KSR1: variants seen among roughly 807,000 people sequenced by gnomAD.
KSR1 encodes the protein kinase suppressor of ras.
Under a neutral mutation model 92.9 loss-of-function variants are expected in KSR1, and 35 were observed. The observed-to-expected ratio is 0.38, with a 90% CI of 0.29 to 0.50. KSR1 has a LOEUF of 0.50. Ranked by LOEUF, KSR1 falls within the 20% of genes least tolerant of loss-of-function variation. The pLI is 0.94. For synonymous variants in KSR1, 467 were observed against 472.6 expected, an observed-to-expected ratio of 0.99 and a Z score of 0.15; for missense variants, 972 against 1,158.5, an observed-to-expected ratio of 0.84 and a Z score of 2.34.
intron 20 of KSR1, among the ~76,000 whole-genome samples, 163 bp downstream of exon 20, chr17:27,621,436 T>C (rs1370565306): frequency 6.6e-6 from 1 of 152,068 alleles, no homozygotes; most frequent in African/African-American, 2.4e-5. Context: ...CCAGCAAGGG[T>C]CACACAGGCT....
At chr17:27,493,242 A>G (rs1006749779) in intron 1 of KSR1, among the ~76,000 whole-genome samples, 5 of 152,226 alleles carry the variant, frequency 3.3e-5, no homozygotes, top group Non-Finnish European at 7.3e-5. Context: ...AAGTTGAATG[A>G]TGTTCCCAAG....
At chr17:27,511,982 G>C (rs2069618066) in intron 1 of KSR1, among the ~76,000 whole-genome samples, 1 of 152,204 alleles carries the variant, frequency 6.6e-6, no homozygotes, top group African/African-American at 2.4e-5. Flanking sequence ...GAGCCCAAGT[G>C]GCTTTGTGCA....
chr17:27,567,393 C>T (rs372315606), intron 2 of KSR1, among the ~76,000 whole-genome samples: 78 of 152,238 alleles, frequency 5.1e-4, no homozygotes, highest in African/African-American at 1.7e-3. Flanking sequence ...GAGTTTGAGA[C>T]CAGCCAGACT....
chr17:27,521,294 C>T (rs2070019787), intron 1 of KSR1, among the ~76,000 whole-genome samples: 1 of 150,624 alleles, frequency 6.6e-6, no homozygotes, highest in Non-Finnish European at 1.5e-5. Context: ...TTCCACCCTT[C>T]AGTTTACCCA....
chr17:27,610,280 G>C (rs2073878444), intron 17 of KSR1, 82 bp downstream of exon 17: 1 of 1,574,474 alleles, frequency 6.4e-7, no homozygotes, highest in South Asian at 1.1e-5. Flanking sequence ...AGGGAGGCAT[G>C]CTTTTAGGTG....
intron 1 of KSR1, among the ~76,000 whole-genome samples, chr17:27,540,512 G>A (rs1466133529): frequency 6.6e-6 from 1 of 152,236 alleles, no homozygotes; most frequent in Non-Finnish European, 1.5e-5. Flanking sequence ...TTGCTAGTGG[G>A]AGGCTTGGCG....
chr17:27,572,399 G>A (rs1304194272), intron 2 of KSR1, among the ~76,000 whole-genome samples: 1 of 152,200 alleles, frequency 6.6e-6, no homozygotes, highest in Non-Finnish European at 1.5e-5. Flanking sequence ...CATGTCTTCC[G>A]TTTTTGGTTT....
At chr17:27,538,649 A>G (rs1567805326) in intron 1 of KSR1, among the ~76,000 whole-genome samples, 1 of 152,240 alleles carries the variant, frequency 6.6e-6, no homozygotes, top group South Asian at 2.1e-4. Flanking sequence ...AGACCAGTTC[A>G]TCACTGGGCA....
In KSR1 at chr17:27,626,351, T is replaced by G. The variant is rs967861945; in HGVS notation, c.*2959T>G. On this transcript the variant is annotated 3_prime_UTR_variant, in exon 21 of 21. Coordinates refer to ENST00000644974, the MANE Select transcript of KSR1 (RefSeq NM_001394583.1). ...GTATTAACAAACATGCTGTATCGGG[T>G]TTTTTTGCCACTGGCAAGAACATGC... 2 of 148,546 alleles carry G rather than the reference T, an allele frequency of 1.3e-5. No homozygotes were observed. Among genetic ancestry groups the G allele is most frequent in the East Asian group, 1.9e-4 (1 of 5,206 alleles). 9.2% of individuals were successfully genotyped at this position (148,546 alleles called of 1,614,324 possible).
At chr17:27,574,879 A>C (rs992174519) in intron 2 of KSR1, among the ~76,000 whole-genome samples, 2 of 152,352 alleles carry the variant, frequency 1.3e-5, no homozygotes, top group Non-Finnish European at 2.9e-5. Context: ...AAAGACAAAA[A>C]AAGGTCTGAT....
chr17:27,479,426 C>T (rs952223459), intron 1 of KSR1, among the ~76,000 whole-genome samples: 17 of 152,216 alleles, frequency 1.1e-4, no homozygotes, highest in African/African-American at 4.1e-4. Context: ...GGTTCCCGTT[C>T]TCGCTGCAGC....
intron 2 of KSR1, among the ~76,000 whole-genome samples, chr17:27,573,013 G>A (rs1356195820): frequency 2.0e-5 from 3 of 152,148 alleles, no homozygotes; most frequent in Non-Finnish European, 1.5e-5. Flanking sequence ...AGAAAGCCTG[G>A]TCCCCTGGAG....
chr17:27,524,880 A>G (rs1172697894), intron 1 of KSR1, among the ~76,000 whole-genome samples: 2 of 152,174 alleles, frequency 1.3e-5, no homozygotes, highest in Non-Finnish European at 2.9e-5. Context: ...GTGGAGTTCA[A>G]GCAGGGTTAT....
intron 1 of KSR1, chr17:27,526,294 T>C: frequency 1.2e-6 from 1 of 862,298 alleles, no homozygotes; most frequent in Non-Finnish European, 1.8e-6. Context: ...ATTTTCCTAG[T>C]TGTCGCTCTG....
intron 1 of KSR1, among the ~76,000 whole-genome samples, chr17:27,527,901 T>G (rs1362713114): frequency 1.3e-5 from 2 of 152,206 alleles, no homozygotes; most frequent in Non-Finnish European, 2.9e-5. Flanking sequence ...AGTAATTCTT[T>G]GCTCTCCCCA....
At chr17:27,562,796 G>C (rs147268429) in intron 2 of KSR1, among the ~76,000 whole-genome samples, 2 of 152,314 alleles carry the variant, frequency 1.3e-5, no homozygotes, top group African/African-American at 4.8e-5. Flanking sequence ...TGTACCTTTG[G>C]GGGAGGCCAC....
intron 2 of KSR1, chr17:27,566,412 T>A: frequency 2.5e-6 from 1 of 399,294 alleles, no homozygotes. Flanking sequence ...GACACTGCAC[T>A]GGGGGCCAGG....
intron 10 of KSR1, among the ~76,000 whole-genome samples, chr17:27,600,832 C>T (rs937422189): frequency 3.9e-5 from 6 of 152,152 alleles, no homozygotes; most frequent in African/African-American, 1.4e-4. Context: ...CCCTAAGGTC[C>T]CAGAGCCTAG....
At chr17:27,621,133 A>G (rs2074211818) in intron 19 of KSR1, 60 bp from the exon 20 acceptor site, 1 of 398,536 alleles carries the variant, frequency 2.5e-6, no homozygotes, top group Non-Finnish European at 4.4e-6. Context: ...ACTCCATCAC[A>G]TGCCGGGGCC....
Sources: allele counts gnomAD v4.1 joint callset (sites outside exome capture counted in the v4.1 genomes callset), GRCh38; gene constraint gnomAD v4.1.1; transcripts MANE v1.5; gene names NCBI Gene and HGNC (gene_info 2026-07-23, HGNC 2026-07-21).